Variants in PALM2AKAP2 observed in about 807,000 individuals in gnomAD.
The protein encoded by PALM2AKAP2 is PALM2-AKAP2 fusion protein.
A neutral mutation model predicts 71.5 loss-of-function variants in PALM2AKAP2; 37 were observed. The ratio of observed to expected loss-of-function variants is 0.52; its 90% CI spans 0.40 to 0.68. The LOEUF (loss-of-function observed/expected upper bound fraction) is 0.68. Ranked by LOEUF, PALM2AKAP2 falls within the 30% of genes least tolerant of loss-of-function variation. PALM2AKAP2 has a pLI of 0.00. For synonymous variants in PALM2AKAP2, 468 were observed against 478.8 expected (o/e 0.98, Z 0.29); for missense variants, 1,224 against 1,191.8 (o/e 1.03, Z -0.40).
intron 1 of PALM2AKAP2, among the ~76,000 whole-genome samples, chr9:109,653,529 C>T (rs1231420897): frequency 6.6e-6 from 1 of 152,184 alleles, no homozygotes; most frequent in Non-Finnish European, 1.5e-5. Context: ...GGAGGTGCAG[C>T]ATTTAAAATC....
chr9:109,841,221 A>C (rs1828656860), intron 1 of PALM2AKAP2, among the ~76,000 whole-genome samples: 1 of 151,796 alleles, frequency 6.6e-6, no homozygotes, highest in African/African-American at 2.4e-5. Flanking sequence ...TTTTAGGGAC[A>C]TGGATGAAGC....
intron 1 of PALM2AKAP2, among the ~76,000 whole-genome samples, chr9:109,656,995 G>T (rs1827317102): frequency 6.6e-6 from 1 of 152,202 alleles, no homozygotes; most frequent in Non-Finnish European, 1.5e-5. Context: ...GCTGTATGAT[G>T]TTCACCTTGG....
chr9:110,062,034 A>G lies in PALM2AKAP2; in HGVS notation c.156+13179A>G, dbSNP rs117809971. Among the ~76,000 whole-genome samples, 909 of 140,440 alleles carry G rather than the reference A, an allele frequency of 6.5e-3. 87 individuals carry two copies. Among genetic ancestry groups the G allele is most frequent in the Middle Eastern group, 0.033 (9 of 272 alleles). The allele number at this position is 140,440 out of a possible 152,430, so 92.1% of individuals were successfully genotyped here. On this transcript the variant is annotated intron_variant, in intron 1 of 3. Transcript: ENST00000374525. ...ACTAAGCTTGTTGTCTCCTTTTACTATGGTTGGGGGTATAAATCTCAGTCC... is the reference window on the plus strand; with the variant it reads ...ACTAAGCTTGTTGTCTCCTTTTACTGTGGTTGGGGGTATAAATCTCAGTCC...
intron 3 of PALM2AKAP2, among the ~76,000 whole-genome samples, chr9:109,903,982 G>A (rs188965689): frequency 6.6e-6 from 1 of 152,274 alleles, no homozygotes; most frequent in African/African-American, 2.4e-5. Context: ...GGGCCACAAA[G>A]CACATATTAA....
At chr9:109,881,200 A>G (rs560421735) in intron 3 of PALM2AKAP2, among the ~76,000 whole-genome samples, 25 of 152,278 alleles carry the variant, frequency 1.6e-4, no homozygotes, top group African/African-American at 6.0e-4. Context: ...CCATGTCCCT[A>G]CAAAGGACAT....
intron 3 of PALM2AKAP2, among the ~76,000 whole-genome samples, chr9:109,918,673 ACT>A (rs1830749439): frequency 1.3e-5 from 2 of 152,110 alleles, no homozygotes; most frequent in African/African-American, 2.4e-5. Context: ...ACCCCATGAC[ACT>A]CTGTTCCTTG....
At chr9:109,861,826 T>G (rs1829318890) in intron 1 of PALM2AKAP2, among the ~76,000 whole-genome samples, 1 of 152,218 alleles carries the variant, frequency 6.6e-6, no homozygotes, top group African/African-American at 2.4e-5. Flanking sequence ...TATGGACTGA[T>G]GGCCAATGTG....
rs151111277 is a variant in PALM2AKAP2 at position 109,789,837 on chromosome 9, A to G, written c.45+9304A>G. On this transcript the variant is annotated intron_variant, in intron 1 of 9. Transcript: ENST00000302798. ...AGTGCCCTTGGTTAATTATTATCTCAGTATTTCTCATTAGTCTCTTGTTGA... is the reference window on the plus strand; with the variant it reads ...AGTGCCCTTGGTTAATTATTATCTCGGTATTTCTCATTAGTCTCTTGTTGA... 7.8e-4 allele frequency among the ~76,000 whole-genome samples: 119 copies of G among 152,324 alleles called. 2 individuals carry two copies. Among genetic ancestry groups the G allele is most frequent in the African/African-American group, 2.7e-3 (113 of 41,574 alleles).
At chr9:110,070,021 G>GA (rs2118580781) in intron 1 of PALM2AKAP2, among the ~76,000 whole-genome samples, 1 of 152,348 alleles carries the variant, frequency 6.6e-6, no homozygotes, top group South Asian at 2.1e-4. Context: ...CCCAGGAGAG[G>GA]AAGAGGGTTG....
At chr9:109,909,488 G>A (rs916448666) in intron 3 of PALM2AKAP2, among the ~76,000 whole-genome samples, 5 of 152,146 alleles carry the variant, frequency 3.3e-5, no homozygotes, top group African/African-American at 1.2e-4. Flanking sequence ...AATGAGGCAG[G>A]TTCCTTGCTA....
intron 1 of PALM2AKAP2, among the ~76,000 whole-genome samples, chr9:109,649,147 T>C (rs373964204): frequency 1.3e-5 from 2 of 152,142 alleles, no homozygotes; most frequent in Admixed American, 1.3e-4. Context: ...TGTAAGTCAT[T>C]GTGTTGTTGT....
intron 2 of PALM2AKAP2, among the ~76,000 whole-genome samples, chr9:110,151,547 A>G (rs1836314944): frequency 6.6e-6 from 1 of 152,202 alleles, no homozygotes; most frequent in Non-Finnish European, 1.5e-5. Context: ...TAATTTGACC[A>G]AAGATTTTTT....
At chr9:109,842,497 A>G (rs971965513) in intron 1 of PALM2AKAP2, among the ~76,000 whole-genome samples, 2 of 152,222 alleles carry the variant, frequency 1.3e-5, no homozygotes, top group Non-Finnish European at 2.9e-5. Flanking sequence ...CTTAAACTCA[A>G]CAAACCCTGT....
intron 6 of PALM2AKAP2, among the ~76,000 whole-genome samples, chr9:109,971,082 G>A (rs1832056014): frequency 6.6e-6 from 1 of 152,154 alleles, no homozygotes; most frequent in Non-Finnish European, 1.5e-5. Flanking sequence ...AACAGAGCAA[G>A]ACCCTGTCTC....
Position 110,156,230 on chromosome 9 carries a change from G to A in PALM2AKAP2, c.2570-89G>A, listed in dbSNP as rs1836451610. 7.1e-6 allele frequency: 10 copies of A among 1,412,012 alleles called. No homozygotes were observed. The East Asian group carries it at 1.4e-4, about 20-fold the overall frequency. The allele number at this position is 1,412,012 out of a possible 1,614,324, so 87.5% of individuals were successfully genotyped here. A position where few individuals can be genotyped will look rare whatever the true frequency, so the allele number is the denominator to read the frequency against. On this transcript the variant is annotated intron_variant, in intron 2 of 3. Transcript: ENST00000374525. ...TCTGGTACCACTCTCTGTGTCAGAG[G>A]TTGTTGCTCTTTTATTTGCCAGTTT... is the stretch of plus-strand genomic sequence containing the variant.
At chr9:110,168,582 A>G (rs1396550961) in exon 4 of PALM2AKAP2, 59 of 1,481,036 alleles carry the variant, frequency 4.0e-5, no homozygotes, top group Non-Finnish European at 5.4e-5. Flanking sequence ...TTAATGGACT[A>G]TTTATTAAAG....
chr9:109,645,163 C>T (rs981294197), intron 1 of PALM2AKAP2, among the ~76,000 whole-genome samples: 2 of 152,222 alleles, frequency 1.3e-5, no homozygotes, highest in African/African-American at 4.8e-5. Context: ...GGTGAACTCA[C>T]AGTTCCATGT....
chr9:109,745,925 A>C (rs1828793494), intron 1 of PALM2AKAP2, among the ~76,000 whole-genome samples: 1 of 152,184 alleles, frequency 6.6e-6, no homozygotes, highest in African/African-American at 2.4e-5. Flanking sequence ...CCTTCATCCC[A>C]TTAAAAAGGT....
intron 1 of PALM2AKAP2, among the ~76,000 whole-genome samples, chr9:109,822,682 T>C (rs1828041180): frequency 6.6e-6 from 1 of 152,196 alleles, no homozygotes; most frequent in Non-Finnish European, 1.5e-5. Flanking sequence ...CAGCTCTATC[T>C]ATGTTGCTGC....
Sources: allele counts gnomAD v4.1 joint callset (sites outside exome capture counted in the v4.1 genomes callset), GRCh38; gene constraint gnomAD v4.1.1; transcripts MANE v1.5; gene names NCBI Gene and HGNC (gene_info 2026-07-23, HGNC 2026-07-21).